SYN2: variants seen among roughly 807,000 people sequenced by gnomAD.
SYN2 encodes synapsin-2.
Under a neutral mutation model 50.9 loss-of-function variants are expected in SYN2, and 19 were observed. That is an observed-to-expected ratio of 0.37 (90% CI 0.26 to 0.55). SYN2 has a LOEUF of 0.55. SYN2 is among the 20% of genes least tolerant of loss of function. The pLI is 0.81. For synonymous variants in SYN2, 255 were observed against 224.9 expected, an observed-to-expected ratio of 1.13 and a Z score of -1.20; for missense variants, 587 against 576.4, an observed-to-expected ratio of 1.02 and a Z score of -0.19.
intron 1 of SYN2, chr3:12,071,803 T>A (rs1695359998): frequency 6.1e-6 from 1 of 164,740 alleles, no homozygotes; most frequent in South Asian, 1.9e-4. Flanking sequence ...TCTGTCCTGC[T>A]GGTCTGTCAG....
intron 1 of SYN2, among the ~76,000 whole-genome samples, chr3:12,139,598 A>G (rs1042686134): frequency 2.0e-5 from 3 of 152,206 alleles, no homozygotes; most frequent in African/African-American, 7.2e-5. Context: ...ATACGTTGTT[A>G]GGACTAAATG....
At chr3:12,016,223 G>A (rs563235792) in intron 1 of SYN2, among the ~76,000 whole-genome samples, 3 of 152,162 alleles carry the variant, frequency 2.0e-5, no homozygotes, top group East Asian at 3.9e-4. Context: ...GAGAATTTAA[G>A]TTCTAGAGTC....
intron 5 of SYN2, among the ~76,000 whole-genome samples, chr3:12,157,173 G>T (rs1697483468): frequency 6.6e-6 from 1 of 152,176 alleles, no homozygotes; most frequent in South Asian, 2.1e-4. Context: ...TACACCAGCA[G>T]CTGTGGGACC....
chr3:12,158,623 G>T, intron 5 of SYN2: 1 of 1,566,964 alleles, frequency 6.4e-7, no homozygotes, highest in Non-Finnish European at 8.6e-7. Flanking sequence ...TTTTCCTCTG[G>T]ACTCCTGGTG....
chr3:12,082,816 A>T (rs1157983210), intron 1 of SYN2, among the ~76,000 whole-genome samples: 1 of 152,114 alleles, frequency 6.6e-6, no homozygotes, highest in African/African-American at 2.4e-5. Flanking sequence ...GTTTTGATGT[A>T]GTGTTGTCAC....
chr3:12,136,188 CATAA>C (rs1696889956), intron 1 of SYN2, among the ~76,000 whole-genome samples: 1 of 152,176 alleles, frequency 6.6e-6, no homozygotes, highest in Non-Finnish European at 1.5e-5. Context: ...ATTAAAATAG[CATAA>C]ATGTTTGCTG....
At chr3:12,043,538 C>T (rs1340458174) in intron 1 of SYN2, among the ~76,000 whole-genome samples, 2 of 152,142 alleles carry the variant, frequency 1.3e-5, no homozygotes, top group African/African-American at 2.4e-5. Flanking sequence ...CCATATTTTA[C>T]AAATCAGAAA....
chr3:12,176,309 T>G (rs1293029584), intron 10 of SYN2, among the ~76,000 whole-genome samples: 2 of 152,240 alleles, frequency 1.3e-5, no homozygotes. Context: ...TTCATGTGGC[T>G]AATGTTTTTT....
intron 1 of SYN2, among the ~76,000 whole-genome samples, chr3:12,116,548 C>A (rs1231425704): frequency 6.6e-6 from 1 of 152,112 alleles, no homozygotes; most frequent in Non-Finnish European, 1.5e-5. Context: ...AGTTATCATT[C>A]TCACAACCCT....
At chr3:12,017,395 C>T (rs757153602) in intron 1 of SYN2, among the ~76,000 whole-genome samples, 9 of 152,232 alleles carry the variant, frequency 5.9e-5, no homozygotes, top group Non-Finnish European at 1.3e-4. Flanking sequence ...ACAGTGAATT[C>T]GGAATTTGTA....
chr3:12,120,369 CAG>C (rs1319394474), intron 1 of SYN2, among the ~76,000 whole-genome samples: 2 of 152,108 alleles, frequency 1.3e-5, no homozygotes, highest in Non-Finnish European at 2.9e-5. Context: ...TGAGATCTGA[CAG>C]AGTCTACCTC....
rs569939337 is a variant in SYN2 at position 12,111,590 on chromosome 3, G to A, written c.378-29061G>A. Reference sequence around the variant, plus strand: ...ACTCCTATTTGATGGTTTGGAGGAAGCGTTTTCATCTTTTAGCAGATCTTA... The same window carrying A: ...ACTCCTATTTGATGGTTTGGAGGAAACGTTTTCATCTTTTAGCAGATCTTA... On this transcript the variant is annotated intron_variant, in intron 1 of 12. Transcript: ENST00000621198. Among the ~76,000 whole-genome samples, 3 of 152,288 alleles carry A rather than the reference G, an allele frequency of 2.0e-5. No individual in the cohort carries two copies. The South Asian group carries it at 6.2e-4, about 32-fold the overall frequency.
intron 10 of SYN2, among the ~76,000 whole-genome samples, chr3:12,180,602 C>T (rs1698199808): frequency 6.6e-6 from 1 of 152,178 alleles, no homozygotes; most frequent in South Asian, 2.1e-4. Context: ...AGGGACAGTC[C>T]TTGGGAATTC....
intron 1 of SYN2, among the ~76,000 whole-genome samples, chr3:12,097,991 A>C (rs1695979341): frequency 6.6e-6 from 1 of 152,126 alleles, no homozygotes; most frequent in Non-Finnish European, 1.5e-5. Flanking sequence ...GTACCCTAGA[A>C]CTTAGAAAGT....
intron 1 of SYN2, among the ~76,000 whole-genome samples, chr3:12,079,034 G>C (rs1222228933): frequency 6.6e-6 from 1 of 152,122 alleles, no homozygotes; most frequent in African/African-American, 2.4e-5. Context: ...CTTGTTAGCT[G>C]TATTCCTAGG....
At chr3:12,017,396 G>A (rs1309834382) in intron 1 of SYN2, among the ~76,000 whole-genome samples, 1 of 152,072 alleles carries the variant, frequency 6.6e-6, no homozygotes, top group Non-Finnish European at 1.5e-5. Flanking sequence ...CAGTGAATTC[G>A]GAATTTGTAC....
intron 5 of SYN2, chr3:12,158,930 C>G: frequency 7.0e-7 from 1 of 1,424,066 alleles, no homozygotes; most frequent in Non-Finnish European, 9.2e-7. Flanking sequence ...TGCCCCTCGC[C>G]CCAGGCTTTA....
intron 1 of SYN2, among the ~76,000 whole-genome samples, chr3:12,051,494 G>T (rs1377851692): frequency 6.6e-6 from 1 of 152,176 alleles, no homozygotes; most frequent in Non-Finnish European, 1.5e-5. Flanking sequence ...TCAAATTGCT[G>T]CTGCCCCAGT....
chr3:12,157,508 C>G, intron 5 of SYN2: 1 of 1,609,762 alleles, frequency 6.2e-7, no homozygotes, highest in Non-Finnish European at 8.5e-7. Flanking sequence ...AAAGAGGGAA[C>G]CTTCAGCAGC....
Sources: allele counts gnomAD v4.1 joint callset (sites outside exome capture counted in the v4.1 genomes callset), GRCh38; gene constraint gnomAD v4.1.1; transcripts MANE v1.5; gene names NCBI Gene and HGNC (gene_info 2026-07-23, HGNC 2026-07-21).